Variants in TTC28 observed in about 807,000 individuals in gnomAD.
TTC28 encodes tetratricopeptide repeat protein 28.
In TTC28, 61 loss-of-function variants were observed where a neutral mutation model predicts 198.0. That is an observed-to-expected ratio of 0.31 (90% CI 0.25 to 0.38). The LOEUF (loss-of-function observed/expected upper bound fraction) is 0.38. Ranked by LOEUF, TTC28 falls within the 10% of genes least tolerant of loss-of-function variation. The probability of loss-of-function intolerance (pLI) is 1.00; values close to 1 mark genes in which losing one functional copy is unlikely to be tolerated. For missense variants in TTC28, 2,678 were observed against 3,164.0 expected, an observed-to-expected ratio of 0.85 and a Z score of 3.69; for synonymous variants, 1,171 against 1,297.8, an observed-to-expected ratio of 0.90 and a Z score of 2.10.
chr22:28,620,491 A>G (rs577119243), intron 2 of TTC28, among the ~76,000 whole-genome samples: 5 of 152,384 alleles, frequency 3.3e-5, no homozygotes, highest in African/African-American at 1.2e-4. Flanking sequence ...CAGATCAGCT[A>G]CAGACAAAAG....
intron 2 of TTC28, among the ~76,000 whole-genome samples, chr22:28,315,068 G>T (rs2045331045): frequency 1.3e-5 from 2 of 152,126 alleles, no homozygotes; most frequent in African/African-American, 4.8e-5. Context: ...TAATAATATA[G>T]GTAGTCCCCA....
chr22:28,491,723 C>G (rs2048382026), intron 2 of TTC28, among the ~76,000 whole-genome samples: 1 of 152,120 alleles, frequency 6.6e-6, no homozygotes, highest in Non-Finnish European at 1.5e-5. Context: ...GGATCTAGAA[C>G]TAGAAATACC....
intron 2 of TTC28, among the ~76,000 whole-genome samples, chr22:28,541,005 T>C (rs547744825): frequency 4.6e-5 from 7 of 152,196 alleles, no homozygotes; most frequent in Non-Finnish European, 7.4e-5. Context: ...CAAACTATCT[T>C]ACAGACTTTT....
chr22:28,401,489 G>A (rs2146103292), intron 2 of TTC28, among the ~76,000 whole-genome samples: 1 of 152,164 alleles, frequency 6.6e-6, no homozygotes, highest in South Asian at 2.1e-4. Context: ...GGTGGTGCCT[G>A]CCTGTAATTC....
intron 2 of TTC28, among the ~76,000 whole-genome samples, chr22:28,618,143 T>A (rs1377162291): frequency 2.6e-5 from 4 of 151,596 alleles, no homozygotes; most frequent in African/African-American, 9.7e-5. Flanking sequence ...GGCGTGGTGG[T>A]GGGTGCCTGT....
intron 5 of TTC28, among the ~76,000 whole-genome samples, chr22:28,186,868 A>G (rs1924252143): frequency 6.6e-6 from 1 of 152,174 alleles, no homozygotes; most frequent in South Asian, 2.1e-4. Flanking sequence ...TCCAGATGGG[A>G]GTAGGATACA....
At chr22:28,394,618 CA>C (rs2046786154) in intron 2 of TTC28, among the ~76,000 whole-genome samples, 1 of 152,152 alleles carries the variant, frequency 6.6e-6, no homozygotes. Flanking sequence ...CCCCAATAAG[CA>C]AGGTGACCTC....
At chr22:28,401,641 C>A (rs1003957491) in intron 2 of TTC28, among the ~76,000 whole-genome samples, 24 of 151,898 alleles carry the variant, frequency 1.6e-4, no homozygotes, top group African/African-American at 5.6e-4. Flanking sequence ...AAAAACTAAA[C>A]CAGGTCAGGC....
At chr22:28,129,648 T>C (rs1943008335) in intron 6 of TTC28, among the ~76,000 whole-genome samples, 1 of 152,214 alleles carries the variant, frequency 6.6e-6, no homozygotes, top group East Asian at 1.9e-4. Context: ...TGGCGCACAG[T>C]GTAGACTTAA....
rs547422592 is a variant in TTC28, at chr22:28,294,553, C to T, written c.933+1645G>A. 3.3e-5 allele frequency among the ~76,000 whole-genome samples: 5 copies of T among 151,752 alleles called. No individual in the cohort carries two copies. In the South Asian group the frequency reaches 8.4e-4, roughly 25 times the overall value. ...AGGTTAGGAAAAAAGAGTATAAATG[C>T]AGCTCTTGCCTTTTTTTTTTTTCTT... On this transcript the variant is annotated intron_variant, in intron 5 of 22. Coordinates refer to ENST00000397906, the MANE Select transcript of TTC28 (RefSeq NM_001145418.2).
intron 6 of TTC28, among the ~76,000 whole-genome samples, chr22:28,160,944 G>T (rs1447241350): frequency 6.6e-6 from 1 of 152,132 alleles, no homozygotes; most frequent in African/African-American, 2.4e-5. Context: ...CTAGAGAGAA[G>T]AGAATTTCAC....
intron 10 of TTC28, among the ~76,000 whole-genome samples, chr22:28,098,097 T>C: frequency 6.6e-6 from 1 of 152,218 alleles, no homozygotes; most frequent in South Asian, 2.1e-4. Context: ...TGGAAGGGAC[T>C]GGCTGACTAG....
chr22:28,468,504 GA>G (rs2048054692), intron 2 of TTC28, among the ~76,000 whole-genome samples: 1 of 151,340 alleles, frequency 6.6e-6, no homozygotes, highest in Non-Finnish European at 1.5e-5. Context: ...ATACTTAAAA[GA>G]GTTCATCTCT....
At chr22:28,529,406 T>G in intron 2 of TTC28, among the ~76,000 whole-genome samples, 1 of 152,124 alleles carries the variant, frequency 6.6e-6, no homozygotes. Context: ...CAAAGTGGCC[T>G]GGAAGCTCAA....
intron 12 of TTC28, among the ~76,000 whole-genome samples, chr22:28,093,119 C>A (rs774772039): frequency 2.0e-5 from 3 of 152,192 alleles, no homozygotes; most frequent in Non-Finnish European, 4.4e-5. Context: ...ATGACTACTA[C>A]AGCCCCTTCC....
At chr22:28,198,663 G>A (rs1925603653) in intron 5 of TTC28, among the ~76,000 whole-genome samples, 2 of 152,068 alleles carry the variant, frequency 1.3e-5, no homozygotes, top group Admixed American at 6.6e-5. Context: ...GTTCAAGGTG[G>A]TGCCAGATTA....
intron 2 of TTC28, among the ~76,000 whole-genome samples, chr22:28,504,026 A>C (rs976308809): frequency 6.6e-6 from 1 of 152,254 alleles, no homozygotes; most frequent in East Asian, 1.9e-4. Flanking sequence ...ACTAATGTAA[A>C]TCAATAATTT....
intron 2 of TTC28, among the ~76,000 whole-genome samples, chr22:28,405,955 C>G (rs987351797): frequency 6.6e-6 from 1 of 152,266 alleles, no homozygotes; most frequent in Non-Finnish European, 1.5e-5. Flanking sequence ...CCCTGCTCCA[C>G]AAAGAACAGT....
intron 2 of TTC28, among the ~76,000 whole-genome samples, chr22:28,586,309 A>G (rs1026709888): frequency 6.6e-6 from 1 of 151,962 alleles, no homozygotes; most frequent in Non-Finnish European, 1.5e-5. Flanking sequence ...AAGTAGTAAG[A>G]AAGATCAATT....
Sources: allele counts gnomAD v4.1 joint callset (sites outside exome capture counted in the v4.1 genomes callset), GRCh38; gene constraint gnomAD v4.1.1; transcripts MANE v1.5; gene names NCBI Gene and HGNC (gene_info 2026-07-23, HGNC 2026-07-21).